Variants in MYO5A observed in about 807,000 individuals in gnomAD.
MYO5A encodes myosin VA, also known as unconventional myosin-Va.
Under a neutral mutation model 249.7 loss-of-function variants are expected in MYO5A, and 98 were observed. That is an observed-to-expected ratio of 0.39 (90% confidence interval 0.33 to 0.46). MYO5A has a LOEUF of 0.46. MYO5A is among the 20% of genes least tolerant of loss of function. The pLI is 0.98. For missense variants in MYO5A, 1,696 were observed against 2,308.8 expected (o/e 0.73, Z 5.44); for synonymous variants, 778 against 810.6 (o/e 0.96, Z 0.68).
At chr15:52,408,798 T>C (rs1177287332) in intron 6 of MYO5A, among the ~76,000 whole-genome samples, 1 of 152,214 alleles carries the variant, frequency 6.6e-6, no homozygotes, top group Non-Finnish European at 1.5e-5. Flanking sequence ...ATTTTTACAG[T>C]ATACTCAGTT....
chr15:52,331,854 T>A, intron 34 of MYO5A: 2 of 985,412 alleles, frequency 2.0e-6, no homozygotes, highest in Non-Finnish European at 2.4e-6. Context: ...GTGGTCAGAT[T>A]GTGATTGGAC....
At chr15:52,414,364 C>T (rs1156860031) in intron 5 of MYO5A, among the ~76,000 whole-genome samples, 2 of 152,158 alleles carry the variant, frequency 1.3e-5, no homozygotes, top group Non-Finnish European at 2.9e-5. Flanking sequence ...TATTCTGAGG[C>T]TATAGTTATA....
chr15:52,327,719 A>C, intron 36 of MYO5A, 133 bp downstream of exon 36: 1 of 933,938 alleles, frequency 1.1e-6, no homozygotes. Context: ...CAAAATAGAT[A>C]GGTAAGTAAA....
rs1452719303 is a variant in MYO5A, at chr15:52,313,904, C to CT, written c.5491-57dup. The CT allele has an allele frequency of 7.6e-6, 12 of 1,585,498 alleles. No homozygotes were observed. The East Asian group carries it at 2.5e-4, about 33-fold the overall frequency. On this transcript the variant is annotated intron_variant, in intron 41 of 41. Coordinates refer to ENST00000399233, the MANE Select transcript of MYO5A (RefSeq NM_001382347.1). ...GCATCAGTTCTTTGAATCTAAAAGA[C>CT]TTTTTTCTACTAAAATTTCTACCCT...
At chr15:52,348,242 G>C (rs8042235) in intron 29 of MYO5A, among the ~76,000 whole-genome samples, 13,821 of 152,178 alleles carry the variant, frequency 0.091, 1,942 homozygotes, top group African/African-American at 0.3. Flanking sequence ...GTGACCAGAA[G>C]TTCTAAAAGG....
chr15:52,368,382 A>G (rs2040921371), intron 22 of MYO5A, among the ~76,000 whole-genome samples: 1 of 152,134 alleles, frequency 6.6e-6, no homozygotes, highest in Admixed American at 6.5e-5. Context: ...CACCTATGGT[A>G]CTTTTTCAAA....
In MYO5A at chr15:52,330,328, T is replaced by C. The variant is rs756954778; in HGVS notation, c.4555+25A>G. On this transcript the variant is annotated intron_variant, in intron 35 of 41. Coordinates refer to ENST00000399233, the MANE Select transcript of MYO5A (RefSeq NM_001382347.1). ...ATTAACCCATGTGCCAGAAGGAACT[T>C]TTATCCAATGCAGAAAATACTTGCC... The C allele has an allele frequency of 3.3e-5, 53 of 1,613,852 alleles. 2 individuals carry two copies. In the South Asian group the frequency reaches 5.5e-4, roughly 17 times the overall value.
intron 11 of MYO5A, among the ~76,000 whole-genome samples, chr15:52,394,865 G>T (rs1258880234): frequency 3.3e-5 from 5 of 152,172 alleles, no homozygotes; most frequent in Non-Finnish European, 4.4e-5. Flanking sequence ...TTTCTGATAA[G>T]TTTTTATTAA....
At chr15:52,422,970 G>A (rs2075312286) in intron 4 of MYO5A, among the ~76,000 whole-genome samples, 1 of 152,088 alleles carries the variant, frequency 6.6e-6, no homozygotes, top group Non-Finnish European at 1.5e-5. Flanking sequence ...CTGTAATCCT[G>A]AACTCCGAGG....
At chr15:52,389,493 G>C (rs2042119236) in intron 12 of MYO5A, 130 bp from the exon 13 acceptor site, 1 of 862,226 alleles carries the variant, frequency 1.2e-6, no homozygotes, top group Non-Finnish European at 1.7e-6. Flanking sequence ...TTCAATTTAG[G>C]AGTTCATTCC....
intron 14 of MYO5A, among the ~76,000 whole-genome samples, chr15:52,386,241 C>T (rs763560922): frequency 2.6e-5 from 4 of 151,792 alleles, no homozygotes; most frequent in African/African-American, 4.8e-5. Flanking sequence ...CCAGGGAGGT[C>T]GAGGCTGCAG....
At chr15:52,333,162 T>G (rs1185069469) in intron 34 of MYO5A, among the ~76,000 whole-genome samples, 1 of 151,098 alleles carries the variant, frequency 6.6e-6, no homozygotes, top group Non-Finnish European at 1.5e-5. Context: ...CTGTTCTTTA[T>G]AAATCACCCA....
intron 2 of MYO5A, among the ~76,000 whole-genome samples, chr15:52,429,644 A>AAT (rs2075479367): frequency 6.6e-6 from 1 of 152,140 alleles, no homozygotes; most frequent in African/African-American, 2.4e-5. Flanking sequence ...AGCCAAGATC[A>AAT]CGCTACTGAA....
chr15:52,379,855 G>C lies in MYO5A; in HGVS notation c.2066C>G (p.Thr689Ser). 6.2e-7 allele frequency: 1 copy of C among 1,614,132 alleles called. No individual in the cohort carries two copies. Among genetic ancestry groups the C allele is most frequent in the Admixed American group, 1.7e-5 (1 of 60,008 alleles). The change falls in exon 17 of 42, where the codon ACC becomes AGC. Residue 689 changes from threonine (T) to serine (S), a missense_variant. Thr to Ser is a moderately conservative substitution (Grantham distance 58). This residue lies in a region of MYO5A where 277 missense variants were observed against 422.4 expected (regional missense o/e 0.66). Coordinates refer to ENST00000399233, the MANE Select transcript of MYO5A (RefSeq NM_001382347.1). ...GAAACCGGCCGCACTGATTCGGATGGTTTCCAGGACACCACATGCTCTCAG... is the reference window on the plus strand; with the variant it reads ...GAAACCGGCCGCACTGATTCGGATGCTTTCCAGGACACCACATGCTCTCAG... ...QQLRACGVLETIRISAAGFPS... is the reference protein window; with the variant it reads ...QQLRACGVLESIRISAAGFPS...
chr15:52,444,476 T>A (rs1243654129), intron 1 of MYO5A, among the ~76,000 whole-genome samples: 1 of 152,200 alleles, frequency 6.6e-6, no homozygotes, highest in Non-Finnish European at 1.5e-5. Flanking sequence ...AGTTCCTTAT[T>A]CAACAAAACA....
In MYO5A at chr15:52,375,371, C is replaced by T; in HGVS notation, c.2510G>A (p.Arg837Lys). Residue 837 changes from arginine (R) to lysine (K), a missense_variant, in exon 20 of 42, where the codon AGA becomes AAA. By Grantham distance (26) the Arg-to-Lys change is conservative (BLOSUM62 2). Around this residue, in one of 5 missense-constraint regions of MYO5A, gnomAD observed 412 missense variants for 453.3 expected, o/e 0.91. Coordinates refer to ENST00000399233, the MANE Select transcript of MYO5A (RefSeq NM_001382347.1). Reference sequence around the variant, plus strand: ...CTGAAGAACGATAGTGGCAGCTCGTCTAATCTTGTACCTCCTGCGGACCAC... The same window carrying T: ...CTGAAGAACGATAGTGGCAGCTCGTTTAATCTTGTACCTCCTGCGGACCAC... ...MYVVRRRYKI[R>K]RAATIVLQSY... 3.7e-6 allele frequency: 6 copies of T among 1,614,170 alleles called. No individual in the cohort carries two copies. Among genetic ancestry groups the T allele is most frequent in the Non-Finnish European group, 5.1e-6 (6 of 1,180,028 alleles).
chr15:52,364,935 A>G (rs1196077304), intron 23 of MYO5A, among the ~76,000 whole-genome samples: 1 of 152,236 alleles, frequency 6.6e-6, no homozygotes, highest in Non-Finnish European at 1.5e-5. Flanking sequence ...TGGCCTTAGT[A>G]CCACTAATTG....
At chr15:52,343,047 G>T (rs938896222) in intron 31 of MYO5A, 70 bp downstream of exon 31, 9 of 1,254,508 alleles carry the variant, frequency 7.2e-6, no homozygotes, top group Non-Finnish European at 8.2e-6. Flanking sequence ...AGGGGTGAAA[G>T]TCAGGAGGTC....
chr15:52,456,280 A>G (rs115973172), intron 1 of MYO5A, among the ~76,000 whole-genome samples: 160 of 152,294 alleles, frequency 1.1e-3, no homozygotes, highest in African/African-American at 3.7e-3. Flanking sequence ...TATACAACCA[A>G]AACTATAAAA....
Sources: allele counts gnomAD v4.1 joint callset (sites outside exome capture counted in the v4.1 genomes callset), GRCh38; gene constraint gnomAD v4.1.1; regional missense constraint gnomAD v4.1.1; transcripts MANE v1.5; gene names NCBI Gene and HGNC (gene_info 2026-07-23, HGNC 2026-07-21).